Variants in ETFB observed in about 807,000 individuals in gnomAD.
ETFB encodes the protein electron transfer flavoprotein subunit beta.
ETFB carries 20 observed loss-of-function variants against 25.6 expected under a neutral mutation model. That is an observed-to-expected ratio of 0.78 (90% CI 0.55 to 1.14). ETFB has a LOEUF of 1.14. Ranked by LOEUF, ETFB falls within the 50% of genes most tolerant of loss-of-function variation. The pLI, the probability that ETFB is intolerant of heterozygous loss-of-function variation, is 0.00. For synonymous variants in ETFB, 142 were observed against 146.7 expected, an observed-to-expected ratio of 0.97 and a Z score of 0.23; for missense variants, 286 against 342.6, an observed-to-expected ratio of 0.83 and a Z score of 1.30.
intron 1 of ETFB, among the ~76,000 whole-genome samples, chr19:51,361,421 GCAGA>G (rs1185348345): frequency 1.3e-5 from 2 of 152,126 alleles, no homozygotes; most frequent in Non-Finnish European, 1.5e-5. Context: ...TCGGCGGGGG[GCAGA>G]CAGAGAACTC....
At chr19:51,354,094 C>T (rs1986008722) in intron 2 of ETFB, 56 bp downstream of exon 2, 3 of 1,584,228 alleles carry the variant, frequency 1.9e-6, no homozygotes, top group South Asian at 1.1e-5. Context: ...GTCCAGGTCC[C>T]AGCCCCTCCT....
At chr19:51,357,361 A>G (rs554124008) in intron 1 of ETFB, among the ~76,000 whole-genome samples, 43 of 135,088 alleles carry the variant, frequency 3.2e-4, no homozygotes, top group African/African-American at 1.0e-3. Context: ...GGCATAAGCC[A>G]ACATGGCCAG....
intron 4 of ETFB, 150 bp from the exon 5 acceptor site, chr19:51,347,208 C>T (rs1985820103): frequency 4.0e-6 from 3 of 759,192 alleles, no homozygotes; most frequent in Non-Finnish European, 4.4e-6. Flanking sequence ...TAGAATCGAG[C>T]TTGTACACCT....
chr19:51,351,056 C>T (rs1296695704), intron 3 of ETFB, among the ~76,000 whole-genome samples: 1 of 152,208 alleles, frequency 6.6e-6, no homozygotes, highest in African/African-American at 2.4e-5. Flanking sequence ...ACCTGGCATC[C>T]CTGTCGTCAA....
At chr19:51,360,947 G>A (rs1986208856) in intron 1 of ETFB, among the ~76,000 whole-genome samples, 1 of 152,006 alleles carries the variant, frequency 6.6e-6, no homozygotes. Context: ...CACCACGCCT[G>A]GCTAATTTTT....
In ETFB at chr19:51,346,947, C is replaced by A. The variant is rs1338681198; in HGVS notation, c.550G>T (p.Asp184Tyr). 3 of 1,590,444 alleles carry A rather than the reference C, an allele frequency of 1.9e-6. No homozygotes were observed. The highest frequency in any genetic ancestry group is 2.6e-6 in the Non-Finnish European group (3 of 1,168,474). Reference sequence around the variant, plus strand: ...TAGCGGGGCTCGTTGAGCCTCAGGTCAGCTGTCACCACAGCTGGCAGCTTC... The same window carrying A: ...TAGCGGGGCTCGTTGAGCCTCAGGTAAGCTGTCACCACAGCTGGCAGCTTC... The part of the protein sequence containing the change: ...RLKLPAVVTA[D>Y]LRLNEPRYAT... Residue 184 changes from aspartate (D) to tyrosine (Y), a missense_variant, in exon 5 of 6, where the codon GAC becomes TAC. Transcript: ENST00000309244.
intron 1 of ETFB, chr19:51,354,787 A>G (rs575804223): frequency 2.4e-6 from 2 of 836,284 alleles, no homozygotes; most frequent in East Asian, 5.4e-5. Context: ...TACAGGCAAC[A>G]ATAGAGCAGC....
At position 51,345,580 on chromosome 19, in the gene ETFB, A is replaced by G. The variant is rs8107235; in HGVS notation, c.598-199T>C. On this transcript the variant is annotated intron_variant, in intron 5 of 5. Coordinates refer to ENST00000309244, the MANE Select transcript of ETFB (RefSeq NM_001985.3). Reference sequence around the variant, plus strand: ...CTCCTGCTGGCTAGGAGGCCCTGGGAGGCCCAACTACTGCAGCAGTCCTCC... The same window carrying G: ...CTCCTGCTGGCTAGGAGGCCCTGGGGGGCCCAACTACTGCAGCAGTCCTCC... The G allele has an allele frequency of 0.41, 254,281 of 624,622 alleles. 56,538 individuals are homozygous for G. The highest frequency in any genetic ancestry group is 0.48 in the Non-Finnish European group (168,522 of 347,958). 38.7% of individuals were successfully genotyped at this position (624,622 alleles called of 1,614,324 possible).
At chr19:51,360,564 G>A (rs947572753) in intron 1 of ETFB, among the ~76,000 whole-genome samples, 4 of 152,332 alleles carry the variant, frequency 2.6e-5, no homozygotes, top group South Asian at 2.1e-4. Context: ...AGGCAACTGA[G>A]GCACAGAGAG....
chr19:51,360,895 C>T (rs909943354), intron 1 of ETFB, among the ~76,000 whole-genome samples: 1 of 152,128 alleles, frequency 6.6e-6, no homozygotes, highest in Non-Finnish European at 1.5e-5. Flanking sequence ...AAGCGATTCT[C>T]CTGCCTCAGC....
At chr19:51,352,930 A>G (rs991800105) in intron 3 of ETFB, among the ~76,000 whole-genome samples, 3 of 152,142 alleles carry the variant, frequency 2.0e-5, no homozygotes, top group African/African-American at 7.2e-5. Flanking sequence ...GCCTGGCCCA[A>G]GAGGATCTTT....
intron 1 of ETFB, chr19:51,354,642 A>G (rs766936205): frequency 6.2e-7 from 1 of 1,613,318 alleles, no homozygotes; most frequent in African/African-American, 1.3e-5. Context: ...GGTACATTTT[A>G]CTGTATCTCC....
intron 5 of ETFB, 32 bp downstream of exon 5, chr19:51,346,868 A>G (rs566133167): frequency 1.9e-6 from 3 of 1,539,840 alleles, no homozygotes; most frequent in South Asian, 2.4e-5. Context: ...TGCCACCCCC[A>G]GGCCCTCAGT....
chr19:51,362,545 A>C (rs1986258738), intron 1 of ETFB, among the ~76,000 whole-genome samples: 1 of 152,346 alleles, frequency 6.6e-6, no homozygotes, highest in Middle Eastern at 3.4e-3. Context: ...ACTGCACTCC[A>C]GCCTGGGCAA....
intron 1 of ETFB, among the ~76,000 whole-genome samples, chr19:51,362,162 T>C (rs937302105): frequency 1.4e-5 from 2 of 144,638 alleles, no homozygotes; most frequent in African/African-American, 5.1e-5. Context: ...CGGACACACA[T>C]ACACACACAC....
intron 3 of ETFB, among the ~76,000 whole-genome samples, chr19:51,351,061 C>T (rs1464978379): frequency 2.0e-5 from 3 of 152,228 alleles, no homozygotes; most frequent in East Asian, 1.9e-4. Context: ...GCATCCCTGT[C>T]GTCAAGTCTC....
chr19:51,358,581 C>G (rs531353735), intron 1 of ETFB, among the ~76,000 whole-genome samples: 8 of 152,166 alleles, frequency 5.3e-5, no homozygotes, highest in Non-Finnish European at 1.2e-4. Context: ...GGCGGATCAC[C>G]TGAGGTCAAG....
intron 1 of ETFB, among the ~76,000 whole-genome samples, chr19:51,357,263 A>C (rs1986104157): frequency 6.6e-6 from 1 of 150,792 alleles, no homozygotes; most frequent in Admixed American, 6.6e-5. Flanking sequence ...TAGTAGAGAC[A>C]GGGTTTCACC....
In ETFB at chr19:51,354,160, G is replaced by A. The variant is rs1396815248; in HGVS notation, c.206C>T (p.Ala69Val). The change falls in exon 2 of 6, where the codon GCA (alanine) becomes GTA (valine). Residue 69 changes from alanine to valine, a missense_variant. Transcript: ENST00000309244. The part of the protein sequence containing the change: ...KEVIAVSCGP[A>V]QCQETIRTAL... ...CAAGACCTTCATCACCTGGCACTGT[G>A]CAGGCCCACAGCTGACGGCGATGAC... The A allele has an allele frequency of 6.2e-7, 1 of 1,613,964 alleles. No homozygotes were observed.
Sources: allele counts gnomAD v4.1 joint callset (sites outside exome capture counted in the v4.1 genomes callset), GRCh38; gene constraint gnomAD v4.1.1; transcripts MANE v1.5; gene names NCBI Gene and HGNC (gene_info 2026-07-23, HGNC 2026-07-21).